CCSER1: variants seen among roughly 807,000 people sequenced by gnomAD.
CCSER1 encodes the protein coiled-coil serine rich protein 1.
CCSER1 carries 41 observed loss-of-function variants against 82.0 expected under a neutral mutation model. That is an observed-to-expected ratio of 0.50 (90% CI 0.39 to 0.65). The LOEUF (loss-of-function observed/expected upper bound fraction) is 0.65. Ranked by LOEUF, CCSER1 falls within the 30% of genes least tolerant of loss-of-function variation. The probability of loss-of-function intolerance (pLI) is 0.00; values close to 1 mark genes in which losing one functional copy is unlikely to be tolerated. For synonymous variants in CCSER1, 414 were observed against 383.9 expected (o/e 1.08, Z -0.92); for missense variants, 1,119 against 1,064.2 (o/e 1.05, Z -0.72).
Position 91,464,421 on chromosome 4 carries a change from G to T in CCSER1, c.2218-134151G>T, listed in dbSNP as rs1054496551. 2.0e-5 allele frequency among the ~76,000 whole-genome samples: 3 copies of T among 152,096 alleles called. No homozygotes were observed. The South Asian group carries it at 6.2e-4, about 31-fold the overall frequency. On this transcript the variant is annotated intron_variant, in intron 10 of 10. Coordinates refer to ENST00000509176, the MANE Select transcript of CCSER1 (RefSeq NM_001145065.2). Reference sequence around the variant, plus strand: ...AATATGCCAAAATATAAAGACCATCGATGCTAAGAAGAAACTGCATCAACT... The same window carrying T: ...AATATGCCAAAATATAAAGACCATCTATGCTAAGAAGAAACTGCATCAACT...
chr4:91,301,946 C>T (rs1158722296), intron 10 of CCSER1, among the ~76,000 whole-genome samples: 1 of 151,198 alleles, frequency 6.6e-6, no homozygotes, highest in Non-Finnish European at 1.5e-5. Context: ...CTATGTCCTT[C>T]CTTCCTTTCT....
chr4:90,760,072 A>G (rs1284582790), intron 7 of CCSER1, among the ~76,000 whole-genome samples: 3 of 152,052 alleles, frequency 2.0e-5, no homozygotes, highest in Non-Finnish European at 2.9e-5. Flanking sequence ...TGAAGAAAAT[A>G]TACCAAGTTA....
chr4:90,705,319 A>G (rs928974816), intron 6 of CCSER1, among the ~76,000 whole-genome samples: 10 of 152,114 alleles, frequency 6.6e-5, no homozygotes, highest in Non-Finnish European at 1.3e-4. Flanking sequence ...TTGCTGTCTG[A>G]TTGTTCCTGT....
At chr4:90,892,546 C>T (rs1385760029) in intron 8 of CCSER1, among the ~76,000 whole-genome samples, 1 of 151,850 alleles carries the variant, frequency 6.6e-6, no homozygotes, top group Non-Finnish European at 1.5e-5. Flanking sequence ...ATTTTGTTCT[C>T]ACGTCTTCAA....
intron 10 of CCSER1, among the ~76,000 whole-genome samples, chr4:91,172,954 G>A (rs370741948): frequency 2.2e-4 from 33 of 152,210 alleles, no homozygotes; most frequent in East Asian, 1.9e-3. Flanking sequence ...TAAATCTCCA[G>A]AATGCACTTT....
intron 6 of CCSER1, among the ~76,000 whole-genome samples, chr4:90,675,066 C>A (rs372121398): frequency 3.9e-5 from 6 of 152,134 alleles, no homozygotes; most frequent in East Asian, 3.9e-4. Flanking sequence ...TTACTATCAT[C>A]ATTGTGACCT....
chr4:90,280,552 T>A (rs1272833320), intron 1 of CCSER1, among the ~76,000 whole-genome samples: 1 of 152,006 alleles, frequency 6.6e-6, no homozygotes, highest in African/African-American at 2.4e-5. Flanking sequence ...TAGGCCTCTA[T>A]TTTAATAATT....
intron 7 of CCSER1, 62 bp from the exon 8 acceptor site, chr4:90,815,700 C>G: frequency 5.0e-6 from 6 of 1,189,386 alleles, no homozygotes; most frequent in Non-Finnish European, 7.1e-6. Context: ...AGCTGACTTT[C>G]CTTATCAAGA....
intron 10 of CCSER1, among the ~76,000 whole-genome samples, chr4:91,340,614 G>A (rs1485437463): frequency 6.6e-6 from 1 of 151,960 alleles, no homozygotes; most frequent in Non-Finnish European, 1.5e-5. Context: ...TTTGGTATGT[G>A]GTGAAGTTAT....
intron 5 of CCSER1, among the ~76,000 whole-genome samples, chr4:90,585,927 G>T (rs28550816): frequency 0.04 from 6,112 of 152,164 alleles, 309 homozygotes; most frequent in African/African-American, 0.11. Flanking sequence ...GTAACATCAA[G>T]AAATTTATTT....
chr4:91,351,804 T>G (rs891621890), intron 10 of CCSER1, among the ~76,000 whole-genome samples: 1 of 152,146 alleles, frequency 6.6e-6, no homozygotes, highest in Non-Finnish European at 1.5e-5. Flanking sequence ...CCATTTCAAT[T>G]TTAAAGGGAA....
rs181274616 is a variant in CCSER1, at chr4:90,960,967, C to A, written c.2172+37520C>A. Among the ~76,000 whole-genome samples the A allele has an allele frequency of 2.1e-3, 316 of 152,246 alleles. 2 individuals carry two copies. The highest frequency in any genetic ancestry group is 7.3e-3 in the African/African-American group (305 of 41,550). On this transcript the variant is annotated intron_variant, in intron 9 of 10. Transcript: ENST00000509176. ...GTGAAGTAACACAGGCAGTTTGGCT[C>A]AGAGTTCATGCTCATAATGACTATG...
intron 9 of CCSER1, among the ~76,000 whole-genome samples, chr4:91,028,276 A>C (rs947065738): frequency 3.9e-5 from 6 of 152,010 alleles, no homozygotes; most frequent in African/African-American, 1.4e-4. Flanking sequence ...TGCTCTTCTC[A>C]TCCATTATTT....
chr4:90,593,125 A>G (rs1782905017), intron 5 of CCSER1, among the ~76,000 whole-genome samples: 1 of 152,192 alleles, frequency 6.6e-6, no homozygotes, highest in African/African-American at 2.4e-5. Context: ...TACTATTTCA[A>G]TGGAACTTAC....
intron 7 of CCSER1, among the ~76,000 whole-genome samples, chr4:90,760,725 G>A (rs886194004): frequency 6.6e-5 from 10 of 151,802 alleles, no homozygotes; most frequent in African/African-American, 2.4e-4. Context: ...TCTATGCTCT[G>A]TTTCTTGTTA....
At chr4:90,598,609 C>T (rs1461978123) in intron 5 of CCSER1, among the ~76,000 whole-genome samples, 1 of 152,132 alleles carries the variant, frequency 6.6e-6, no homozygotes, top group East Asian at 1.9e-4. Flanking sequence ...TTTATGTCTT[C>T]TTCAGAGAAA....
At chr4:90,915,643 T>C (rs1332589889) in intron 8 of CCSER1, among the ~76,000 whole-genome samples, 1 of 152,102 alleles carries the variant, frequency 6.6e-6, no homozygotes, top group African/African-American at 2.4e-5. Flanking sequence ...CTATTCAACA[T>C]AGTGTTGGAA....
rs556659260 is a variant in CCSER1, at chr4:91,030,882, A to T, written c.2173-55068A>T. ...TCTACTTTAGGGTTTATGATCACAC[A>T]TTACTCTGTTAGACCTCTTTTGGTA... On this transcript the variant is annotated intron_variant, in intron 9 of 10. Transcript: ENST00000509176. 9.1e-4 allele frequency among the ~76,000 whole-genome samples: 138 copies of T among 152,220 alleles called. 1 individual carries two copies. Among genetic ancestry groups the T allele is most frequent in the Non-Finnish European group, 1.6e-3 (107 of 68,022 alleles).
intron 10 of CCSER1, among the ~76,000 whole-genome samples, chr4:91,442,389 T>G (rs1482601414): frequency 6.6e-6 from 1 of 151,456 alleles, no homozygotes; most frequent in African/African-American, 2.4e-5. Flanking sequence ...CGCTATTTAA[T>G]AAATGGTGCT....
Sources: gnomAD v4.1 joint callset for allele counts (sites outside exome capture counted in the v4.1 genomes callset) on GRCh38, gnomAD v4.1.1 for gene constraint, MANE v1.5 for transcripts, NCBI Gene and HGNC (gene_info 2026-07-23, HGNC 2026-07-21) for gene names.